MYO18B: variants seen among roughly 807,000 people sequenced by gnomAD.
The protein encoded by MYO18B is myosin XVIIIB, also known as unconventional myosin-XVIIIb.
A neutral mutation model predicts 273.0 loss-of-function variants in MYO18B; 204 were observed. The ratio of observed to expected loss-of-function variants is 0.75; its 90% CI spans 0.67 to 0.84. The LOEUF (loss-of-function observed/expected upper bound fraction) is 0.84. Among genes scored for constraint, MYO18B ranks in the 40% least tolerant of loss-of-function variants. The pLI is 0.00. For missense variants in MYO18B, 3,212 were observed against 3,287.6 expected (o/e 0.98, Z 0.56); for synonymous variants, 1,330 against 1,305.7 (o/e 1.02, Z -0.40).
intron 22 of MYO18B, among the ~76,000 whole-genome samples, chr22:25,868,870 G>A (rs2090966694): frequency 6.6e-6 from 1 of 152,190 alleles, no homozygotes; most frequent in Admixed American, 6.5e-5. Context: ...TTCCCAAACT[G>A]GTGTTGAGCC....
intron 34 of MYO18B, among the ~76,000 whole-genome samples, chr22:25,933,233 G>C (rs954531778): frequency 3.3e-5 from 5 of 152,132 alleles, no homozygotes; most frequent in Admixed American, 6.5e-5. Flanking sequence ...CCAGGACAAA[G>C]GACTTTTAAA....
chr22:25,923,884 T>TTAAG (rs1169550648), intron 34 of MYO18B, among the ~76,000 whole-genome samples: 2 of 152,166 alleles, frequency 1.3e-5, no homozygotes, highest in African/African-American at 4.8e-5. Context: ...TTTTTTTTTA[T>TTAAG]TAAGTATTCA....
At chr22:25,976,820 C>T (rs572788820) in intron 39 of MYO18B, among the ~76,000 whole-genome samples, 7 of 152,272 alleles carry the variant, frequency 4.6e-5, no homozygotes, top group Admixed American at 6.5e-5. Context: ...TTGTTTCCCC[C>T]TTCTTACTCA....
At chr22:26,042,368 T>C in the MYO18B span, among the ~76,000 whole-genome samples, 1 of 152,218 alleles carries the variant, frequency 6.6e-6, no homozygotes, top group Non-Finnish European at 1.5e-5. Flanking sequence ...TAATATCAGC[T>C]TCCCTTCTTC....
the MYO18B span, among the ~76,000 whole-genome samples, chr22:26,063,505 C>T: frequency 1.3e-5 from 2 of 152,172 alleles, no homozygotes; most frequent in South Asian, 2.1e-4. Context: ...TGCCCCATAT[C>T]AGGTAGCCAG....
At chr22:25,788,237 A>G (rs756390260) in intron 11 of MYO18B, among the ~76,000 whole-genome samples, 3 of 152,178 alleles carry the variant, frequency 2.0e-5, no homozygotes, top group Non-Finnish European at 4.4e-5. Flanking sequence ...CTGAAAATTC[A>G]TTGGTCTTTG....
At chr22:25,920,125 C>T (rs1477976873) in intron 33 of MYO18B, among the ~76,000 whole-genome samples, 2 of 152,156 alleles carry the variant, frequency 1.3e-5, no homozygotes, top group East Asian at 3.8e-4. Flanking sequence ...TATTCCAGGA[C>T]ATTCTGAGCA....
chr22:26,063,614 C>A, the MYO18B span, among the ~76,000 whole-genome samples: 1 of 152,154 alleles, frequency 6.6e-6, no homozygotes, highest in African/African-American at 2.4e-5. Context: ...CTCTGATCAA[C>A]ATGGAGCTGA....
chr22:25,945,703 T>TCGC lies in MYO18B; in HGVS notation c.5518-433_5518-432insGCC, dbSNP rs200665457. 9.4e-4 allele frequency among the ~76,000 whole-genome samples: 31 copies of TCGC among 33,112 alleles called. 2 individuals are homozygous for TCGC. Among genetic ancestry groups the TCGC allele is most frequent in the African/African-American group, 1.8e-3 (13 of 7,202 alleles). 21.7% of individuals were successfully genotyped at this position (33,112 alleles called of 152,430 possible). On this transcript the variant is annotated intron_variant, in intron 34 of 43. Transcript: ENST00000335473. ...GCCTCTCCTCTCCCCTCGCCTCCCC[T>TCGC]CTCCCCTCGCCTCCCCTCCCCTCCC... is the stretch of plus-strand genomic sequence containing the variant.
chr22:25,831,932 A>G (rs1349387351), intron 15 of MYO18B, among the ~76,000 whole-genome samples: 1 of 152,142 alleles, frequency 6.6e-6, no homozygotes, highest in East Asian at 1.9e-4. Context: ...TAAACAAACA[A>G]CCCCATTAGC....
chr22:25,957,999 C>T (rs2092874250), intron 39 of MYO18B, among the ~76,000 whole-genome samples: 1 of 150,500 alleles, frequency 6.6e-6, no homozygotes, highest in Admixed American at 6.7e-5. Flanking sequence ...ACTGCAACCT[C>T]TGCCTCCTGG....
chr22:25,875,690 G>A (rs1252803767), intron 23 of MYO18B, among the ~76,000 whole-genome samples: 1 of 152,204 alleles, frequency 6.6e-6, no homozygotes, highest in Non-Finnish European at 1.5e-5. Flanking sequence ...CCCTCCAGGG[G>A]ATTCTGATGC....
rs540757138 is a variant in MYO18B at position 25,997,821 on chromosome 22, C to A, written c.6287+5328C>A. 4.0e-4 allele frequency among the ~76,000 whole-genome samples: 61 copies of A among 152,210 alleles called. 1 individual carries two copies. Among genetic ancestry groups the A allele is most frequent in the Admixed American group, 1.6e-3 (24 of 15,302 alleles). On this transcript the variant is annotated intron_variant, in intron 40 of 43. Coordinates refer to ENST00000335473, the MANE Select transcript of MYO18B (RefSeq NM_032608.7). Reference sequence around the variant, plus strand: ...CCACGCTACACTTCACTCCTAATTTCCTCATCACCCTGGGGTAAGAGGTTT... The same window carrying A: ...CCACGCTACACTTCACTCCTAATTTACTCATCACCCTGGGGTAAGAGGTTT...
chr22:25,900,685 G>A (rs955354308), intron 29 of MYO18B: 2 of 152,384 alleles, frequency 1.3e-5, no homozygotes, highest in Non-Finnish European at 2.9e-5. Context: ...AAACCTATCT[G>A]GCCTCAGGCA....
chr22:25,970,472 G>C (rs905650708), intron 39 of MYO18B, among the ~76,000 whole-genome samples: 1 of 152,064 alleles, frequency 6.6e-6, no homozygotes, highest in Non-Finnish European at 1.5e-5. Context: ...TTGGAATTCT[G>C]CCTTCTCCAG....
chr22:25,960,118 C>T (rs934319854), intron 39 of MYO18B, among the ~76,000 whole-genome samples: 7 of 152,158 alleles, frequency 4.6e-5, no homozygotes, highest in South Asian at 2.1e-4. Flanking sequence ...ATTACCCCTC[C>T]GGTGGAACTT....
chr22:25,960,042 G>GT (rs2092901051), intron 39 of MYO18B, among the ~76,000 whole-genome samples: 1 of 152,146 alleles, frequency 6.6e-6, no homozygotes, highest in Non-Finnish European at 1.5e-5. Context: ...TTAAAGAACT[G>GT]TGAGTTGTTG....
chr22:25,947,774 G>T lies in MYO18B; in HGVS notation c.5694G>T (p.Glu1898Asp). Residue 1898 changes from glutamate (E) to aspartate (D), a missense_variant, in exon 36 of 44, where the codon GAG (glutamate) becomes GAT (aspartate). By Grantham distance (45) the Glu-to-Asp change is conservative. Coordinates refer to ENST00000335473, the MANE Select transcript of MYO18B (RefSeq NM_032608.7). ...EKADLLKRID[E>D]DQDDLNELMQ... Reference sequence around the variant, plus strand: ...CGGACCTCCTGAAGCGCATCGATGAGGACCAGGATGACCTGAATGAGCTGA... The same window carrying T: ...CGGACCTCCTGAAGCGCATCGATGATGACCAGGATGACCTGAATGAGCTGA... 6.2e-7 allele frequency: 1 copy of T among 1,613,894 alleles called. No homozygotes were observed. The highest frequency in any genetic ancestry group is 1.1e-5 in the South Asian group (1 of 91,066).
chr22:25,827,156 G>T (rs558107517), intron 14 of MYO18B, among the ~76,000 whole-genome samples: 1 of 152,300 alleles, frequency 6.6e-6, no homozygotes, highest in South Asian at 2.1e-4. Flanking sequence ...GAGGGCCAGG[G>T]ATTGCACTAA....
Sources: gnomAD v4.1 joint callset for allele counts (sites outside exome capture counted in the v4.1 genomes callset) on GRCh38, gnomAD v4.1.1 for gene constraint, MANE v1.5 for transcripts, NCBI Gene and HGNC (gene_info 2026-07-23, HGNC 2026-07-21) for gene names.